NR2F2: variants seen among roughly 807,000 people sequenced by gnomAD.
The protein encoded by NR2F2 is nuclear receptor subfamily 2 group F member 2.
Under a neutral mutation model 34.8 loss-of-function variants are expected in NR2F2, and 2 were observed. The ratio of observed to expected loss-of-function variants is 0.06; its 90% CI spans 0.02 to 0.18. NR2F2 has a LOEUF of 0.18. Ranked by LOEUF, NR2F2 falls within the 10% of genes least tolerant of loss-of-function variation. NR2F2 has a pLI of 1.00. For synonymous variants in NR2F2, 274 were observed against 251.8 expected (o/e 1.09, Z -0.84); for missense variants, 300 against 580.1 (o/e 0.52, Z 4.96).
chr15:96,326,544 T>C (rs1898992466), upstream of NR2F2, among the ~76,000 whole-genome samples: 1 of 151,250 alleles, frequency 6.6e-6, no homozygotes. The surrounding 1 kb of genome is among the most constrained non-coding windows in gnomAD (Gnocchi z 5.5). Context: ...TGCCATATTT[T>C]ATTACATGTG....
At position 96,334,156 on chromosome 15, in the gene NR2F2, C is replaced by T; in HGVS notation, c.523C>T (p.His175Tyr). The T allele has an allele frequency of 6.2e-7, 1 of 1,614,074 alleles. No individual in the cohort carries two copies. Among genetic ancestry groups the T allele is most frequent in the Non-Finnish European group, 8.5e-7 (1 of 1,180,036 alleles). Residue 175 changes from histidine to tyrosine, a missense_variant, in exon 2 of 3, where the codon CAC (histidine) becomes TAC (tyrosine). His to Tyr is a moderately conservative substitution (Grantham distance 83). Around this residue, in one of 6 missense-constraint regions of NR2F2, gnomAD observed 164 missense variants for 365.3 expected, o/e 0.45. Coordinates refer to ENST00000394166, the MANE Select transcript of NR2F2 (RefSeq NM_021005.4). The part of the protein sequence containing the change: ...ALTNGDPLNC[H>Y]SYLSGYISLL... ...GACCAACGGGGATCCCCTCAACTGCCACTCGTACCTGTCCGGATATATTTC... is the reference window on the plus strand; with the variant it reads ...GACCAACGGGGATCCCCTCAACTGCTACTCGTACCTGTCCGGATATATTTC...
upstream of NR2F2, among the ~76,000 whole-genome samples, chr15:96,328,012 G>A (rs952153509): frequency 5.3e-5 from 8 of 152,112 alleles, no homozygotes; most frequent in Non-Finnish European, 8.8e-5. Flanking sequence ...AACCTTAGAC[G>A]CACAGCAAGT....
Position 96,337,307 on chromosome 15 carries a change from T to TC in NR2F2, c.971-41_971-40insC, listed in dbSNP as rs60993888. The TC allele has an allele frequency of 2.9e-5, 45 of 1,556,918 alleles. No individual in the cohort carries two copies. In the African/African-American group the frequency reaches 5.3e-4, roughly 18 times the overall value. Reference sequence around the variant, plus strand: ...TTCTTCTTCTTCTTCTTCTTCTTCTTTTTCTTCTTCTTCTTCTTCTGTTTT... The same window carrying TC: ...TTCTTCTTCTTCTTCTTCTTCTTCTTCTTTCTTCTTCTTCTTCTTCTGTTTT... On this transcript the variant is annotated intron_variant, in intron 2 of 2. Transcript: ENST00000394166.
At position 96,331,758 on chromosome 15, in the gene NR2F2, C is replaced by G. The variant is rs1899150507; in HGVS notation, c.-348C>G. On this transcript the variant is annotated 5_prime_UTR_variant, in exon 1 of 3. Transcript: ENST00000394166. Reference sequence around the variant, plus strand: ...TCGACTTCAGCTCTCCCTCCCCTCCCTCTTTCTCCACGTTCTGCTCCCACT... The same window carrying G: ...TCGACTTCAGCTCTCCCTCCCCTCCGTCTTTCTCCACGTTCTGCTCCCACT... The G allele has an allele frequency of 1.8e-6, 2 of 1,138,626 alleles. No homozygotes were observed. Among genetic ancestry groups the G allele is most frequent in the Non-Finnish European group, 2.2e-6 (2 of 910,240 alleles). 70.5% of individuals were successfully genotyped at this position (1,138,626 alleles called of 1,614,324 possible). A position where few individuals can be genotyped will look rare whatever the true frequency, so the allele number is the denominator to read the frequency against.
upstream of NR2F2, among the ~76,000 whole-genome samples, chr15:96,328,122 C>T (rs7168643): frequency 4.3e-3 from 649 of 152,208 alleles, 3 homozygotes; most frequent in African/African-American, 0.015. Flanking sequence ...AAGTATAATT[C>T]ATACGGTGAT....
chr15:96,336,700 G>A (rs1412868708), intron 2 of NR2F2, among the ~76,000 whole-genome samples: 1 of 151,796 alleles, frequency 6.6e-6, no homozygotes, highest in Non-Finnish European at 1.5e-5. Context: ...GGAGAGAGAA[G>A]AAAAAGGGGG....
chr15:96,332,396 G>A lies in NR2F2; in HGVS notation c.291G>A (p.Glu97=). ...AGCACTACGGCCAGTTCACGTGCGA[G>A]GGCTGCAAGAGCTTCTTCAAGCGCA... ...SGKHYGQFTC[E]GCKSFFKRSV... Residue 97 remains glutamate (E), a synonymous_variant, in exon 1 of 3, where the codon GAG becomes GAA. Transcript: ENST00000394166. The A allele has an allele frequency of 1.2e-6, 2 of 1,613,972 alleles. No individual in the cohort carries two copies. Among genetic ancestry groups the A allele is most frequent in the South Asian group, 2.2e-5 (2 of 91,054 alleles).
At chr15:96,334,624 C>A in intron 2 of NR2F2, 21 bp downstream of exon 2, 1 of 1,566,590 alleles carries the variant, frequency 6.4e-7, no homozygotes. Flanking sequence ...GCCCTGTCTT[C>A]TCGTGCCCAC....
At chr15:96,336,686 A>G (rs758654764) in intron 2 of NR2F2, among the ~76,000 whole-genome samples, 1 of 152,052 alleles carries the variant, frequency 6.6e-6, no homozygotes, top group Non-Finnish European at 1.5e-5. Flanking sequence ...GGTAGGAGAA[A>G]AAGGGAGAGA....
At position 96,337,532 on chromosome 15, in the gene NR2F2, T is replaced by C; in HGVS notation, c.1155T>C (p.Arg385=). The C allele has an allele frequency of 6.2e-7, 1 of 1,614,136 alleles. No homozygotes were observed. The highest frequency in any genetic ancestry group is 1.3e-5 in the African/African-American group (1 of 75,040). Residue 385 remains arginine (R), a synonymous_variant, in exon 3 of 3, where the codon CGT becomes CGC. Transcript: ENST00000394166. The part of the protein sequence containing the change: ...SSVIEQLFFV[R]LVGKTPIETL... The stretch of plus-strand genomic sequence containing the variant: ...TCATAGAGCAATTGTTTTTCGTCCG[T>C]TTGGTAGGTAAAACCCCCATCGAAA...
rs139663181 is a variant in NR2F2 at position 96,330,752 on chromosome 15, C to A, written c.-1354C>A. 1.3e-3 allele frequency: 937 copies of A among 711,996 alleles called. 5 individuals are homozygous for A. The highest frequency in any genetic ancestry group is 1.6e-3 in the Non-Finnish European group (882 of 561,780). The allele number at this position is 711,996 out of a possible 1,614,324, so 44.1% of individuals were successfully genotyped here. On this transcript the variant is annotated 5_prime_UTR_variant, in exon 1 of 3. Transcript: ENST00000394166. ...CCTATAAATCGCATTCCCTCCCGCG[C>A]CCCCCTTTTTAGCATATTTGATCAC...
At position 96,330,770 on chromosome 15, in the gene NR2F2, T is replaced by G; in HGVS notation, c.-1336T>G. On this transcript the variant is annotated 5_prime_UTR_variant, in exon 1 of 3. In the 5' UTR this introduces an upstream ATG that the reference lacks. Transcript: ENST00000394166. The stretch of plus-strand genomic sequence containing the variant: ...TCCCGCGCCCCCCTTTTTAGCATAT[T>G]TGATCACTTTGATTCTCTGTTCTTT... 1.1e-6 allele frequency: 1 copy of G among 894,168 alleles called. No homozygotes were observed. The highest frequency in any genetic ancestry group is 1.4e-6 in the Non-Finnish European group (1 of 719,432). The allele number at this position is 894,168 out of a possible 1,614,324, so 55.4% of individuals were successfully genotyped here. A position where few individuals can be genotyped will look rare whatever the true frequency, so the allele number is the denominator to read the frequency against.
At chr15:96,336,494 C>T (rs1899331157) in intron 2 of NR2F2, among the ~76,000 whole-genome samples, 1 of 152,080 alleles carries the variant, frequency 6.6e-6, no homozygotes, top group Admixed American at 6.6e-5. Context: ...TATGTTAACC[C>T]CAGTCTTGTA....
intron 2 of NR2F2, among the ~76,000 whole-genome samples, chr15:96,335,880 G>A (rs147020062): frequency 9.2e-5 from 14 of 152,308 alleles, no homozygotes; most frequent in African/African-American, 3.4e-4. Context: ...CCCAAATTCT[G>A]CCTTTGGAAG....
chr15:96,328,863 G>A (rs1031140752), upstream of NR2F2, among the ~76,000 whole-genome samples: 7 of 151,648 alleles, frequency 4.6e-5, no homozygotes, highest in Non-Finnish European at 8.8e-5. Flanking sequence ...CTGAGGTTTC[G>A]GGAATGAAGC....
rs568510581 is a variant in NR2F2 at position 96,336,884 on chromosome 15, G to A, written c.971-464G>A. On this transcript the variant is annotated intron_variant, in intron 2 of 2. Transcript: ENST00000394166. ...GGCTGGATCGTGGACGCCATTACTC[G>A]GGACTGGGCCAGGTTGTCCACCCCC... is the stretch of plus-strand genomic sequence containing the variant. 7.9e-5 allele frequency among the ~76,000 whole-genome samples: 12 copies of A among 152,188 alleles called. No individual in the cohort carries two copies. The South Asian group carries it at 1.2e-3, about 16-fold the overall frequency.
chr15:96,326,165 C>G, upstream of NR2F2: 1 of 720,296 alleles, frequency 1.4e-6, no homozygotes, highest in Non-Finnish European at 2.5e-6. The surrounding 1 kb of genome is among the most constrained non-coding windows in gnomAD (Gnocchi z 5.5). Flanking sequence ...CTAGTGCCTA[C>G]TTTTTATCAG....
rs1478385403 is a variant in NR2F2, at chr15:96,331,408, C to T, written c.-698C>T. ...CTCCGCGGGCCGCCGGCCTCCGCCC[C>T]GGCCTGCCTGGCTCCCTGGGCGCGC... On this transcript the variant is annotated 5_prime_UTR_variant, in exon 1 of 3. Coordinates refer to ENST00000394166, the MANE Select transcript of NR2F2 (RefSeq NM_021005.4). The T allele has an allele frequency of 4.1e-6, 5 of 1,229,786 alleles. No individual in the cohort carries two copies. Among genetic ancestry groups the T allele is most frequent in the Admixed American group, 8.5e-5 (2 of 23,588 alleles). 76.2% of individuals were successfully genotyped at this position (1,229,786 alleles called of 1,614,324 possible).
chr15:96,330,509 C>T, upstream of NR2F2, among the ~76,000 whole-genome samples: 1 of 140,024 alleles, frequency 7.1e-6, no homozygotes, highest in East Asian at 2.3e-4. Flanking sequence ...TAGGACCGGG[C>T]TGCGCCCGCG....
Sources: allele counts gnomAD v4.1 joint callset (sites outside exome capture counted in the v4.1 genomes callset), GRCh38; gene constraint gnomAD v4.1.1; regional missense constraint gnomAD v4.1.1; non-coding constraint Gnocchi (gnomAD v3.1); transcripts MANE v1.5; gene names NCBI Gene and HGNC (gene_info 2026-07-23, HGNC 2026-07-21).